The following CSMD1 variants were observed in gnomAD, a reference collection of about 807,000 sequenced individuals.
CSMD1 encodes the protein CUB and Sushi multiple domains 1.
In CSMD1, 213 loss-of-function variants were observed where a neutral mutation model predicts 417.5. That is an observed-to-expected ratio of 0.51 (90% CI 0.46 to 0.57). The LOEUF (loss-of-function observed/expected upper bound fraction) is 0.57, where lower values mean the gene tolerates loss of function less well. CSMD1 is among the 20% of genes least tolerant of loss of function. The pLI, the probability that CSMD1 is intolerant of heterozygous loss-of-function variation, is 0.00. For missense variants in CSMD1, 6,923 were observed against 4,529.7 expected (o/e 1.53, Z -15.17); for synonymous variants, 2,862 against 1,736.8 (o/e 1.65, Z -16.11).
At chr8:3,361,624 C>T (rs1219527223) in intron 20 of CSMD1, among the ~76,000 whole-genome samples, 1 of 135,080 alleles carries the variant, frequency 7.4e-6, no homozygotes, top group African/African-American at 2.8e-5. Flanking sequence ...TGCATTCAAG[C>T]CTGGGCAACA....
chr8:3,900,128 CTGCAGCTGGGTGACAG>C (rs1807630147), intron 5 of CSMD1, among the ~76,000 whole-genome samples: 3 of 150,700 alleles, frequency 2.0e-5, no homozygotes, highest in Admixed American at 1.3e-4. Flanking sequence ...CTGGGTGACA[CTGCAGCTGGGTGACAG>C]TGCAGCTAGA....
intron 1 of CSMD1, among the ~76,000 whole-genome samples, chr8:4,647,275 G>A (rs1159746896): frequency 2.0e-5 from 3 of 150,418 alleles, no homozygotes; most frequent in Admixed American, 6.6e-5. Context: ...AAAAAAATCC[G>A]GGATACATGT....
chr8:4,527,437 A>G (rs1796573932), intron 2 of CSMD1, among the ~76,000 whole-genome samples: 1 of 152,162 alleles, frequency 6.6e-6, no homozygotes, highest in African/African-American at 2.4e-5. Flanking sequence ...AATTGCCTTT[A>G]CCTATCCTTC....
chr8:3,234,644 C>A (rs889476416), intron 26 of CSMD1, among the ~76,000 whole-genome samples: 1 of 152,216 alleles, frequency 6.6e-6, no homozygotes, highest in African/African-American at 2.4e-5. Flanking sequence ...AAGCATATTA[C>A]TCCAAGAGAA....
intron 1 of CSMD1, among the ~76,000 whole-genome samples, chr8:4,845,887 C>T (rs764303667): frequency 4.6e-5 from 7 of 152,122 alleles, no homozygotes; most frequent in Admixed American, 2.0e-4. Context: ...TGTCAGTCAC[C>T]GTGGCTAACT....
chr8:3,922,108 C>T (rs888222036), intron 5 of CSMD1, among the ~76,000 whole-genome samples: 5 of 150,278 alleles, frequency 3.3e-5, no homozygotes, highest in East Asian at 2.0e-4. Context: ...ATGAATTGAC[C>T]CCTTTATCAT....
At chr8:3,709,294 T>A (rs1371009811) in intron 6 of CSMD1, among the ~76,000 whole-genome samples, 3 of 152,102 alleles carry the variant, frequency 2.0e-5, no homozygotes, top group African/African-American at 7.2e-5. Flanking sequence ...GGTCCCCATA[T>A]GAGACTGGAC....
chr8:3,939,219 G>T (rs1311115069), intron 5 of CSMD1, among the ~76,000 whole-genome samples: 1 of 151,750 alleles, frequency 6.6e-6, no homozygotes, highest in Non-Finnish European at 1.5e-5. Context: ...AATTCATCAC[G>T]AATAAACTTT....
chr8:3,155,359 A>AGTTTTTTTTTTTTTTTTTTTTTT (rs1819453067), intron 39 of CSMD1, among the ~76,000 whole-genome samples: 2 of 43,316 alleles, frequency 4.6e-5, no homozygotes, highest in Non-Finnish European at 9.4e-5. Flanking sequence ...CAAGGCTGGG[A>AGTTTTTTTTTTTTTTTTTTTTTT]TTTTTTTTTT....
rs188259413 is a variant in CSMD1, at chr8:4,843,014, G to A, written c.85+151318C>T. Among the ~76,000 whole-genome samples, 37 of 152,190 alleles carry A rather than the reference G, an allele frequency of 2.4e-4. 2 individuals are homozygous for A. Among genetic ancestry groups the A allele is most frequent in the Admixed American group, 1.6e-3 (25 of 15,286 alleles). Reference sequence around the variant, plus strand: ...AATAGTCATCTAACATGCTACTCCAGGACTCTAACATCAACTGAGTGAAGT... The same window carrying A: ...AATAGTCATCTAACATGCTACTCCAAGACTCTAACATCAACTGAGTGAAGT... On this transcript the variant is annotated intron_variant, in intron 1 of 69. Coordinates refer to ENST00000635120, the MANE Select transcript of CSMD1 (RefSeq NM_033225.6).
At position 4,417,466 on chromosome 8, in the gene CSMD1, A is replaced by G. The variant is rs563496091; in HGVS notation, c.415+2487T>C. ...CTTTCAAGCCAATACATTTCAATTA[A>G]AATTTTATGCAGCAGTCTGTTAATA... On this transcript the variant is annotated intron_variant, in intron 3 of 69. Transcript: ENST00000635120. Among the ~76,000 whole-genome samples, 3 of 152,170 alleles carry G rather than the reference A, an allele frequency of 2.0e-5. No individual in the cohort carries two copies. The East Asian group carries it at 5.8e-4, about 29-fold the overall frequency.
chr8:4,598,725 G>C (rs528410385), intron 2 of CSMD1, among the ~76,000 whole-genome samples: 2 of 152,160 alleles, frequency 1.3e-5, no homozygotes, highest in South Asian at 4.1e-4. Context: ...GTGGGTACTG[G>C]TACTCAGTTT....
chr8:4,727,110 C>T (rs1585005993), intron 1 of CSMD1, among the ~76,000 whole-genome samples: 1 of 152,008 alleles, frequency 6.6e-6, no homozygotes, highest in African/African-American at 2.4e-5. Flanking sequence ...GAAGCTGAGG[C>T]CCTTCTGCAG....
intron 3 of CSMD1, among the ~76,000 whole-genome samples, chr8:4,062,226 A>C (rs1799011564): frequency 6.6e-6 from 1 of 152,154 alleles, no homozygotes; most frequent in Non-Finnish European, 1.5e-5. Context: ...CCAGGTTCAC[A>C]CAAGTCTAAT....
intron 3 of CSMD1, among the ~76,000 whole-genome samples, chr8:4,202,312 G>A (rs1375659801): frequency 6.6e-6 from 1 of 152,036 alleles, no homozygotes; most frequent in Non-Finnish European, 1.5e-5. Context: ...CTGCCTATTT[G>A]CTTTTCAAGA....
At chr8:3,041,195 G>A (rs1310202584) in intron 50 of CSMD1, among the ~76,000 whole-genome samples, 1 of 151,984 alleles carries the variant, frequency 6.6e-6, no homozygotes, top group Non-Finnish European at 1.5e-5. Context: ...AAATTTTACA[G>A]GGTTAAAGCA....
intron 28 of CSMD1, among the ~76,000 whole-genome samples, chr8:3,223,003 G>C (rs984673425): frequency 1.3e-5 from 2 of 152,114 alleles, no homozygotes; most frequent in African/African-American, 2.4e-5. Context: ...ATAGCTGAAA[G>C]GTCAATAGGA....
At chr8:3,551,978 G>C (rs1033435663) in intron 10 of CSMD1, among the ~76,000 whole-genome samples, 1 of 152,106 alleles carries the variant, frequency 6.6e-6, no homozygotes, top group African/African-American at 2.4e-5. Context: ...GGACTGATAG[G>C]GATCTCACAG....
intron 1 of CSMD1, among the ~76,000 whole-genome samples, chr8:4,885,821 A>G (rs561983837): frequency 2.0e-5 from 3 of 152,088 alleles, no homozygotes; most frequent in Admixed American, 6.5e-5. Flanking sequence ...TCCAATTTAT[A>G]TATGTATTAT....
Sources: gnomAD v4.1 joint callset for allele counts (sites outside exome capture counted in the v4.1 genomes callset) on GRCh38, gnomAD v4.1.1 for gene constraint, MANE v1.5 for transcripts, NCBI Gene and HGNC (gene_info 2026-07-23, HGNC 2026-07-21) for gene names.